NUCB1: variants seen among roughly 807,000 people sequenced by gnomAD.
The protein encoded by NUCB1 is nucleobindin 1.
In NUCB1, 47 loss-of-function variants were observed where a neutral mutation model predicts 61.2. The ratio of observed to expected loss-of-function variants is 0.77; its 90% CI spans 0.61 to 0.98. The LOEUF is 0.98. Among genes scored for constraint, NUCB1 ranks in the 50% least tolerant of loss-of-function variants. The pLI, the probability that NUCB1 is intolerant of heterozygous loss-of-function variation, is 0.00. For synonymous variants in NUCB1, 234 were observed against 243.1 expected, an observed-to-expected ratio of 0.96 and a Z score of 0.35; for missense variants, 583 against 605.3, an observed-to-expected ratio of 0.96 and a Z score of 0.39.
At chr19:48,904,739 G>A (rs1192719710) in intron 3 of NUCB1, among the ~76,000 whole-genome samples, 4 of 151,974 alleles carry the variant, frequency 2.6e-5, no homozygotes, top group Non-Finnish European at 5.9e-5. Context: ...GGCCAGGCTG[G>A]TCTCGAACTC....
At chr19:48,908,661 G>GTGTGTGTC (rs2037437506) in intron 4 of NUCB1, among the ~76,000 whole-genome samples, 1 of 117,834 alleles carries the variant, frequency 8.5e-6, no homozygotes, top group Non-Finnish European at 2.1e-5. Flanking sequence ...GTGTGTGTGT[G>GTGTGTGTC]TGTGTGTGTG....
At chr19:48,911,830 G>A (rs368523646) in intron 5 of NUCB1, among the ~76,000 whole-genome samples, 2 of 151,758 alleles carry the variant, frequency 1.3e-5, no homozygotes, top group Non-Finnish European at 2.9e-5. Flanking sequence ...TTGGGAGTGT[G>A]GGGGGAGTAT....
In NUCB1 at chr19:48,922,614, C is replaced by G. The variant is rs921501913; in HGVS notation, c.*190C>G. The stretch of plus-strand genomic sequence containing the variant: ...GTCTCCACTTTCACAGCCTCCAAGT[C>G]TGTGGCTCTTCCCTTCTGTCCTCCG... On this transcript the variant is annotated 3_prime_UTR_variant, in exon 13 of 13. Transcript: ENST00000405315. The G allele has an allele frequency of 1.7e-5, 10 of 578,852 alleles. No homozygotes were observed. Among genetic ancestry groups the G allele is most frequent in the Admixed American group, 2.9e-5 (1 of 34,586 alleles). 35.9% of individuals were successfully genotyped at this position (578,852 alleles called of 1,614,324 possible).
At position 48,905,748 on chromosome 19, in the gene NUCB1, G is replaced by A. The variant is rs1467592231; in HGVS notation, c.244-5G>A. 3.1e-6 allele frequency: 5 copies of A among 1,614,034 alleles called. No individual in the cohort carries two copies. Among genetic ancestry groups the A allele is most frequent in the Admixed American group, 1.7e-5 (1 of 60,008 alleles). The stretch of plus-strand genomic sequence containing the variant: ...CAGGCTGACCAGGGTCTCCTCTCCT[G>A]TCAGAGCGGGAAGCTGAGCCGAGAG... On this transcript the variant is annotated splice_region_variant and splice_polypyrimidine_tract_variant and intron_variant, in intron 3 of 12. Coordinates refer to ENST00000405315, the MANE Select transcript of NUCB1 (RefSeq NM_006184.6).
In NUCB1 at chr19:48,919,232, G is replaced by T; in HGVS notation, c.948G>T (p.Glu316Asp). ...AGGACCGCCTCGTGACCCTGGAGGA[G>T]TTCCTCGCATCCACTCAGAGGAAGG... ...TNQDRLVTLE[E>D]FLASTQRKEF... The change falls in exon 10 of 13, where the codon GAG (glutamate) becomes GAT (aspartate). Residue 316 changes from glutamate to aspartate, a missense_variant. Physicochemically the swap from Glu to Asp is conservative, Grantham distance 45. Transcript: ENST00000405315. 6.2e-7 allele frequency: 1 copy of T among 1,613,970 alleles called. No homozygotes were observed. Among genetic ancestry groups the T allele is most frequent in the Non-Finnish European group, 8.5e-7 (1 of 1,179,924 alleles).
chr19:48,902,249 T>C (rs1278878007), intron 2 of NUCB1, among the ~76,000 whole-genome samples: 1 of 152,000 alleles, frequency 6.6e-6, no homozygotes. Flanking sequence ...TAGCTGGGAC[T>C]ACAGGCGCAC....
chr19:48,911,405 C>CTTT (rs1163076168), intron 5 of NUCB1, among the ~76,000 whole-genome samples, 153 bp downstream of exon 5: 1 of 104,442 alleles, frequency 9.6e-6, no homozygotes, highest in Non-Finnish European at 1.9e-5. Flanking sequence ...CTTTTCTTTT[C>CTTT]TTTTTTTTTT....
rs577730252 is a variant in NUCB1 at position 48,909,978 on chromosome 19, C to T, written c.377-1171C>T. On this transcript the variant is annotated intron_variant, in intron 4 of 12. Coordinates refer to ENST00000405315, the MANE Select transcript of NUCB1 (RefSeq NM_006184.6). ...CATTCTGAGGTACTGGGGCTTAGGA[C>T]TTCAACATAGAAACTTAGGAGCGTG... Among the ~76,000 whole-genome samples the T allele has an allele frequency of 4.6e-5, 7 of 152,264 alleles. 1 individual carries two copies. In the East Asian group the frequency reaches 1.2e-3, roughly 25 times the overall value.
chr19:48,920,356 G>A (rs2037595269), intron 10 of NUCB1, among the ~76,000 whole-genome samples: 1 of 150,160 alleles, frequency 6.7e-6, no homozygotes, highest in South Asian at 2.1e-4. Context: ...TTGAGACAGG[G>A]TCTCCTGTCA....
intron 7 of NUCB1, 74 bp downstream of exon 7, chr19:48,913,638 G>C: frequency 5.5e-6 from 7 of 1,267,512 alleles, no homozygotes; most frequent in South Asian, 3.6e-5. Flanking sequence ...AATGCTAAGA[G>C]GGGTGTGTCT....
intron 4 of NUCB1, among the ~76,000 whole-genome samples, chr19:48,907,750 C>G (rs1214555646): frequency 1.3e-5 from 2 of 152,218 alleles, no homozygotes; most frequent in Admixed American, 1.3e-4. Flanking sequence ...GCCCCCGGCA[C>G]CCCAGTGCCC....
rs998215855 is a variant in NUCB1 at position 48,910,223 on chromosome 19, C to T, written c.377-926C>T. 3.3e-5 allele frequency among the ~76,000 whole-genome samples: 5 copies of T among 151,752 alleles called. No homozygotes were observed. The South Asian group carries it at 8.3e-4, about 25-fold the overall frequency. ...TCCCAAGTAGCTGGGGCTACAGGTGCGCACCACCATGCCCAGCTAATTTTT... is the reference window on the plus strand; with the variant it reads ...TCCCAAGTAGCTGGGGCTACAGGTGTGCACCACCATGCCCAGCTAATTTTT... On this transcript the variant is annotated intron_variant, in intron 4 of 12. Transcript: ENST00000405315.
chr19:48,900,611 C>T, intron 1 of NUCB1, 175 bp from the exon 2 acceptor site: 3 of 807,776 alleles, frequency 3.7e-6, no homozygotes, highest in Non-Finnish European at 5.8e-6. Flanking sequence ...GCCCAGACTC[C>T]TGTGTCGGAG....
Position 48,900,837 on chromosome 19 carries a change from C to CGCTGCT in NUCB1, c.51_56dup (p.Leu20_Leu21dup), listed in dbSNP as rs780606369. 6.2e-7 allele frequency: 1 copy of CGCTGCT among 1,613,634 alleles called. No homozygotes were observed. Among genetic ancestry groups the CGCTGCT allele is most frequent in the Non-Finnish European group, 8.5e-7 (1 of 1,179,940 alleles). Reference sequence around the variant, plus strand: ...CCCCGAGGAACCCTCCTTCTGTTGCCGCTGCTGCTGCTGCTCCTGCTTCGC... The same window carrying CGCTGCT: ...CCCCGAGGAACCCTCCTTCTGTTGCCGCTGCTGCTGCTGCTGCTGCTCCTGCTTCGC... On this transcript the variant is annotated inframe_insertion, in exon 2 of 13. Transcript: ENST00000405315.
chr19:48,913,621 G>A, intron 7 of NUCB1, 57 bp downstream of exon 7: 1 of 1,399,172 alleles, frequency 7.1e-7, no homozygotes, highest in South Asian at 1.2e-5. Flanking sequence ...GACCCTTCTA[G>A]GACCTGAATG....
In NUCB1 at chr19:48,922,700, C is replaced by A; in HGVS notation, c.*276C>A. ...CAGTGATCGGCTTAACTTAGAGAAG[C>A]CCGCCCCCTCCCCTTCTCCGTCTGT... On this transcript the variant is annotated 3_prime_UTR_variant, in exon 13 of 13. Transcript: ENST00000405315. 1 of 401,118 alleles carries A rather than the reference C, an allele frequency of 2.5e-6. No homozygotes were observed. Among genetic ancestry groups the A allele is most frequent in the Non-Finnish European group, 4.7e-6 (1 of 214,196 alleles). 24.8% of individuals were successfully genotyped at this position (401,118 alleles called of 1,614,324 possible).
intron 7 of NUCB1, among the ~76,000 whole-genome samples, chr19:48,913,976 T>C (rs971030172): frequency 6.6e-6 from 1 of 150,486 alleles, no homozygotes; most frequent in Non-Finnish European, 1.5e-5. Context: ...TCCTTTTTTT[T>C]TTTTTTTTTG....
intron 7 of NUCB1, among the ~76,000 whole-genome samples, chr19:48,917,092 G>T (rs568771822): frequency 6.6e-5 from 10 of 151,244 alleles, no homozygotes; most frequent in African/African-American, 2.2e-4. Context: ...GTGTGGTGGC[G>T]TGCATCTGTA....
Position 48,900,770 on chromosome 19 carries a change from C to T in NUCB1, c.-11-16C>T. On this transcript the variant is annotated splice_polypyrimidine_tract_variant and intron_variant, in intron 1 of 12. Coordinates refer to ENST00000405315, the MANE Select transcript of NUCB1 (RefSeq NM_006184.6). Reference sequence around the variant, plus strand: ...GGACAGACATTATGCATTATCCAGCCCTCCATCCCCCACAGACCACACTGC... The same window carrying T: ...GGACAGACATTATGCATTATCCAGCTCTCCATCCCCCACAGACCACACTGC... 1.2e-6 allele frequency: 2 copies of T among 1,611,716 alleles called. No homozygotes were observed. Among genetic ancestry groups the T allele is most frequent in the Non-Finnish European group, 1.7e-6 (2 of 1,178,738 alleles).
Sources: gnomAD v4.1 joint callset for allele counts (sites outside exome capture counted in the v4.1 genomes callset) on GRCh38, gnomAD v4.1.1 for gene constraint, MANE v1.5 for transcripts, NCBI Gene and HGNC (gene_info 2026-07-23, HGNC 2026-07-21) for gene names.